Variants in ACTN2 observed in about 807,000 individuals in gnomAD.
ACTN2 encodes actinin alpha 2, also known as alpha-actinin-2.
A neutral mutation model predicts 113.8 loss-of-function variants in ACTN2; 39 were observed. The ratio of observed to expected loss-of-function variants is 0.34; its 90% CI spans 0.27 to 0.45. The LOEUF (loss-of-function observed/expected upper bound fraction) is 0.45. ACTN2 is among the 20% of genes least tolerant of loss of function. ACTN2 has a pLI of 1.00. For synonymous variants in ACTN2, 429 were observed against 444.1 expected, an observed-to-expected ratio of 0.97 and a Z score of 0.43; for missense variants, 992 against 1,177.9, an observed-to-expected ratio of 0.84 and a Z score of 2.31.
At chr1:236,696,309 C>A (rs1657500376) in intron 1 of ACTN2, among the ~76,000 whole-genome samples, 1 of 109,234 alleles carries the variant, frequency 9.2e-6, no homozygotes. Flanking sequence ...CAGAAGAAGA[C>A]TCTGTCTCAA....
At chr1:236,695,563 T>TCACCCCCC (rs1657467279) in intron 1 of ACTN2, among the ~76,000 whole-genome samples, 2 of 100,796 alleles carry the variant, frequency 2.0e-5, no homozygotes, top group Non-Finnish European at 3.9e-5. Context: ...TGAAATGAGT[T>TCACCCCCC]CCCCCCCCCT....
chr1:236,743,936 C>A (rs1027300559), intron 11 of ACTN2, among the ~76,000 whole-genome samples: 1 of 152,122 alleles, frequency 6.6e-6, no homozygotes, highest in South Asian at 2.1e-4. Flanking sequence ...TTTAGAGTAG[C>A]GTCTAGTACA....
intron 1 of ACTN2, among the ~76,000 whole-genome samples, chr1:236,715,442 A>G (rs1309491549): frequency 6.6e-6 from 1 of 151,794 alleles, no homozygotes; most frequent in African/African-American, 2.4e-5. Flanking sequence ...AAAAAACAAA[A>G]CTTAATTATC....
intron 8 of ACTN2, chr1:236,736,721 A>G: frequency 9.0e-7 from 1 of 1,111,036 alleles, no homozygotes; most frequent in Non-Finnish European, 1.3e-6. Flanking sequence ...TCCAAAGGCT[A>G]ATGTTATTCA....
chr1:236,731,156 G>A (rs1558237296), intron 6 of ACTN2, 77 bp from the exon 7 acceptor site: 1 of 1,112,016 alleles, frequency 9.0e-7, no homozygotes, highest in Admixed American at 1.7e-5. Flanking sequence ...CCTAAAGTGA[G>A]GTACATAAGA....
chr1:236,703,805 C>CT (rs1237676954), intron 1 of ACTN2, among the ~76,000 whole-genome samples: 1 of 151,936 alleles, frequency 6.6e-6, no homozygotes, highest in African/African-American at 2.4e-5. Flanking sequence ...TTGCTTCACT[C>CT]TAATTTGAGG....
At chr1:236,737,075 G>T (rs752125868) in intron 8 of ACTN2, 47 bp from the exon 9 acceptor site, 4 of 1,489,094 alleles carry the variant, frequency 2.7e-6, no homozygotes, top group South Asian at 2.3e-5. Flanking sequence ...CTGTGTGTGC[G>T]CATTCCCGTC....
rs1286234304 is a variant in ACTN2, at chr1:236,754,792, G to T, written c.1975-227G>T. Among the ~76,000 whole-genome samples the T allele has an allele frequency of 6.6e-6, 1 of 152,138 alleles. No individual in the cohort carries two copies. Among genetic ancestry groups the T allele is most frequent in the Non-Finnish European group, 1.5e-5 (1 of 68,020 alleles). On this transcript the variant is annotated intron_variant, in intron 16 of 20. Transcript: ENST00000366578. This position sits in a 1 kb window ranked among gnomAD's most constrained non-coding sequence, Gnocchi z 4.9. ...TCTTGCCTCTCTGTTTTGGATCTTG[G>T]TTGACTTTTTCCTCATTTTCTAGAC...
intron 15 of ACTN2, 129 bp downstream of exon 15, chr1:236,751,781 C>A: frequency 8.7e-7 from 1 of 1,154,476 alleles, no homozygotes; most frequent in South Asian, 1.3e-5. Flanking sequence ...TTTCCTTTAT[C>A]CCAAATTTCA....
intron 10 of ACTN2, among the ~76,000 whole-genome samples, chr1:236,739,925 C>T (rs906851248): frequency 2.0e-5 from 3 of 152,164 alleles, no homozygotes; most frequent in Non-Finnish European, 4.4e-5. Context: ...CTCTCTTCCA[C>T]ATTGTCACTT....
chr1:236,753,860 C>CCCCCCAAGGACAAAA, intron 15 of ACTN2, 87 bp from the exon 16 acceptor site: 2 of 1,320,870 alleles, frequency 1.5e-6, no homozygotes, highest in African/African-American at 1.5e-5. Flanking sequence ...CTCCCACCCC[C>CCCCCCAAGGACAAAA]ACCCCTTGGA....
chr1:236,701,802 C>T (rs1260118080), intron 1 of ACTN2, among the ~76,000 whole-genome samples: 1 of 152,188 alleles, frequency 6.6e-6, no homozygotes, highest in African/African-American at 2.4e-5. Flanking sequence ...TGTTCAGGCA[C>T]TTGAAAATCT....
intron 1 of ACTN2, among the ~76,000 whole-genome samples, chr1:236,704,834 G>T (rs112280527): frequency 6.6e-6 from 1 of 152,178 alleles, no homozygotes; most frequent in African/African-American, 2.4e-5. Context: ...TTGGAGAACC[G>T]TGGGGAAATG....
chr1:236,725,833 G>C, intron 4 of ACTN2, 100 bp from the exon 5 acceptor site: 2 of 1,026,850 alleles, frequency 1.9e-6, no homozygotes, highest in Admixed American at 3.4e-5. Context: ...AGACCCCCTG[G>C]GTGATCGACC....
At chr1:236,711,027 A>G (rs1421691488) in intron 1 of ACTN2, among the ~76,000 whole-genome samples, 1 of 152,212 alleles carries the variant, frequency 6.6e-6, no homozygotes, top group Non-Finnish European at 1.5e-5. Context: ...AGTATCCTTC[A>G]GTCCTTACAC....
rs1455367143 is a variant in ACTN2, at chr1:236,749,172, G to A, written c.1564G>A (p.Ala522Thr). ...CATTGATCAGCTTCACCTGGAGTTT[G>A]CCAAGAGGGCTGCTCCTTTCAACAA... ...ETIDQLHLEF[A>T]KRAAPFNNWM... is the part of the protein sequence containing the mutation. Residue 522 changes from alanine (A) to threonine (T), a missense_variant, in exon 14 of 21, where the codon GCC becomes ACC. By Grantham distance (58) the Ala-to-Thr change is moderately conservative (BLOSUM62 0). Around this residue, in one of 3 missense-constraint regions of ACTN2, gnomAD observed 736 missense variants for 815.4 expected, o/e 0.90. Transcript: ENST00000366578. The A allele has an allele frequency of 1.9e-6, 3 of 1,614,154 alleles. No individual in the cohort carries two copies. Among genetic ancestry groups the A allele is most frequent in the South Asian group, 2.2e-5 (2 of 91,086 alleles).
chr1:236,703,701 T>C (rs1322948433), intron 1 of ACTN2, among the ~76,000 whole-genome samples: 1 of 151,850 alleles, frequency 6.6e-6, no homozygotes, highest in Admixed American at 6.6e-5. Flanking sequence ...CCTTCAAGAA[T>C]TTTAAAACGC....
intron 20 of ACTN2, among the ~76,000 whole-genome samples, 178 bp from the exon 21 acceptor site, chr1:236,762,283 G>A (rs562873718): frequency 3.9e-5 from 6 of 152,242 alleles, no homozygotes; most frequent in South Asian, 2.1e-4. Flanking sequence ...TTCTAGATAC[G>A]CTCCTACAAG....
chr1:236,712,035 C>G lies in ACTN2; in HGVS notation c.127-5823C>G, dbSNP rs1200220689. 3.9e-5 allele frequency among the ~76,000 whole-genome samples: 6 copies of G among 152,186 alleles called. No individual in the cohort carries two copies. In the East Asian group the frequency reaches 9.6e-4, roughly 24 times the overall value. On this transcript the variant is annotated intron_variant, in intron 1 of 20. Coordinates refer to ENST00000366578, the MANE Select transcript of ACTN2 (RefSeq NM_001103.4). ...GCCAAAGAGCCTGCCTCCAGAATTGCATGGACCCACTTTCATTTCCACTTT... is the reference window on the plus strand; with the variant it reads ...GCCAAAGAGCCTGCCTCCAGAATTGGATGGACCCACTTTCATTTCCACTTT...
Sources: gnomAD v4.1 joint callset for allele counts (sites outside exome capture counted in the v4.1 genomes callset) on GRCh38, gnomAD v4.1.1 for gene constraint, gnomAD v4.1.1 regional missense constraint, Gnocchi (gnomAD v3.1) non-coding constraint, MANE v1.5 for transcripts, NCBI Gene and HGNC (gene_info 2026-07-23, HGNC 2026-07-21) for gene names.